The following KAZN variants were observed in gnomAD, a reference collection of about 807,000 sequenced individuals.
The protein encoded by KAZN is kazrin, periplakin interacting protein.
In KAZN, 40 loss-of-function variants were observed where a neutral mutation model predicts 87.4. That is an observed-to-expected ratio of 0.46 (90% CI 0.36 to 0.60). The LOEUF (loss-of-function observed/expected upper bound fraction) is 0.60. Ranked by LOEUF, KAZN falls within the 20% of genes least tolerant of loss-of-function variation. KAZN has a pLI of 0.00. For synonymous variants in KAZN, 466 were observed against 458.3 expected (o/e 1.02, Z -0.22); for missense variants, 898 against 1,073.9 (o/e 0.84, Z 2.29).
chr1:14,727,898 T>C (rs11809023), intron 1 of KAZN, among the ~76,000 whole-genome samples: 46,383 of 151,868 alleles, frequency 0.31, 7,212 homozygotes, highest in South Asian at 0.37. Flanking sequence ...TGATGGGAGA[T>C]AGCAACAGAT....
intron 2 of KAZN, among the ~76,000 whole-genome samples, chr1:14,570,604 G>T (rs554581779): frequency 3.9e-5 from 6 of 152,284 alleles, no homozygotes; most frequent in African/African-American, 1.4e-4. Flanking sequence ...GGTATTGCTA[G>T]ACCACATTTT....
At chr1:14,705,239 G>A (rs1186502117) in intron 1 of KAZN, among the ~76,000 whole-genome samples, 3 of 152,120 alleles carry the variant, frequency 2.0e-5, no homozygotes, top group Admixed American at 6.5e-5. Context: ...CAGTCAGATT[G>A]GATTACAGCC....
chr1:14,526,428 T>C (rs1030454695), intron 2 of KAZN, among the ~76,000 whole-genome samples: 1 of 152,332 alleles, frequency 6.6e-6, no homozygotes, highest in African/African-American at 2.4e-5. Flanking sequence ...GTTACAGCCA[T>C]GTGCCAAGTG....
chr1:14,612,058 C>T (rs1414176330), intron 1 of KAZN, among the ~76,000 whole-genome samples: 2 of 152,146 alleles, frequency 1.3e-5, no homozygotes, highest in African/African-American at 4.8e-5. Flanking sequence ...ATTAATCGTT[C>T]TCGTTTATTT....
intron 1 of KAZN, among the ~76,000 whole-genome samples, chr1:14,878,363 C>T (rs930745074): frequency 2.6e-5 from 4 of 152,026 alleles, no homozygotes; most frequent in Non-Finnish European, 4.4e-5. Flanking sequence ...CTGCCCTCTA[C>T]ACACTAGATA....
chr1:15,106,944 C>G (rs931265653), intron 13 of KAZN, among the ~76,000 whole-genome samples: 1 of 152,168 alleles, frequency 6.6e-6, no homozygotes. Flanking sequence ...CCAAAGGCAG[C>G]TGCCAGGGGA....
At position 14,397,559 on chromosome 1, in the gene KAZN, T is replaced by C. The variant is rs111578002; in HGVS notation, c.250-201424T>C. 1.7e-3 allele frequency among the ~76,000 whole-genome samples: 264 copies of C among 152,094 alleles called. 2 individuals are homozygous for C. Among genetic ancestry groups the C allele is most frequent in the African/African-American group, 5.9e-3 (246 of 41,500 alleles). ...ACATCATGCAACTCACTCTGACCAA[T>C]AGAATAAGGCAGAAGCGCTGGGGGC... is the stretch of plus-strand genomic sequence containing the variant. On this transcript the variant is annotated intron_variant, in intron 2 of 16. Coordinates refer to the KAZN transcript ENST00000636203.
intron 1 of KAZN, among the ~76,000 whole-genome samples, chr1:14,715,344 G>A (rs772280021): frequency 6.6e-6 from 1 of 152,186 alleles, no homozygotes; most frequent in Admixed American, 6.5e-5. Flanking sequence ...TGATGGGAGG[G>A]GCTGGGTCCT....
chr1:14,874,709 T>C (rs1473116522), intron 1 of KAZN, among the ~76,000 whole-genome samples: 1 of 152,220 alleles, frequency 6.6e-6, no homozygotes, highest in African/African-American at 2.4e-5. Flanking sequence ...CCAGAAATCC[T>C]GGTGTGACCT....
At chr1:14,793,910 G>T (rs145153498) in intron 1 of KAZN, among the ~76,000 whole-genome samples, 2 of 152,246 alleles carry the variant, frequency 1.3e-5, no homozygotes, top group Admixed American at 1.3e-4. Context: ...CCGTGCCCTC[G>T]CCTGTTAGGG....
chr1:14,972,139 G>A (rs1222467209), intron 2 of KAZN, among the ~76,000 whole-genome samples: 2 of 152,218 alleles, frequency 1.3e-5, no homozygotes, highest in Non-Finnish European at 2.9e-5. Flanking sequence ...CTCTCCAAAT[G>A]CCTTTCAGAA....
At chr1:14,410,246 G>A (rs1664198852) in intron 2 of KAZN, among the ~76,000 whole-genome samples, 1 of 152,164 alleles carries the variant, frequency 6.6e-6, no homozygotes. Flanking sequence ...AGGGACTACA[G>A]GCACATGCCA....
In KAZN at chr1:15,075,911, C is replaced by T. The variant is rs184837831; in HGVS notation, c.1222+10158C>T. ...TGCCAGGGTGTCTGGCCCCACCTGCCCTCCAGAGCACTTCATCACCCTTTG... is the reference window on the plus strand; with the variant it reads ...TGCCAGGGTGTCTGGCCCCACCTGCTCTCCAGAGCACTTCATCACCCTTTG... On this transcript the variant is annotated intron_variant, in intron 8 of 14. Transcript: ENST00000376030. Among the ~76,000 whole-genome samples the T allele has an allele frequency of 2.2e-3, 330 of 152,332 alleles. 1 individual carries two copies. Among genetic ancestry groups the T allele is most frequent in the Middle Eastern group, 0.014 (4 of 294 alleles).
chr1:14,018,082 C>T (rs1310218295), intron 1 of KAZN, among the ~76,000 whole-genome samples: 3 of 152,202 alleles, frequency 2.0e-5, no homozygotes, highest in Non-Finnish European at 4.4e-5. Context: ...ACCTGAGGCA[C>T]AGAGAGACTA....
chr1:14,038,864 C>A (rs61777716), intron 1 of KAZN, among the ~76,000 whole-genome samples: 6,778 of 152,226 alleles, frequency 0.045, 223 homozygotes, highest in Non-Finnish European at 0.066. Context: ...AGTTTCACCT[C>A]TGTAAAAGTA....
chr1:14,317,227 G>T (rs1220254596), intron 2 of KAZN, among the ~76,000 whole-genome samples: 1 of 151,774 alleles, frequency 6.6e-6, no homozygotes, highest in Non-Finnish European at 1.5e-5. Flanking sequence ...GTTATTTAGG[G>T]TTGTTATGGC....
chr1:14,064,733 G>A (rs1013597820), intron 1 of KAZN, among the ~76,000 whole-genome samples: 7 of 152,158 alleles, frequency 4.6e-5, no homozygotes, highest in African/African-American at 1.2e-4. Flanking sequence ...GGACAATGCT[G>A]GTGCTTTTGT....
At chr1:14,201,919 C>T (rs909171714) in intron 2 of KAZN, among the ~76,000 whole-genome samples, 5 of 152,308 alleles carry the variant, frequency 3.3e-5, no homozygotes, top group Middle Eastern at 6.8e-3. Flanking sequence ...CCGCCTGCCT[C>T]GGCCTCCCAA....
intron 2 of KAZN, among the ~76,000 whole-genome samples, chr1:14,547,486 C>A (rs1310444260): frequency 6.6e-6 from 1 of 152,120 alleles, no homozygotes; most frequent in Non-Finnish European, 1.5e-5. Context: ...TTTCAAAACT[C>A]CTTTAGACTG....
Sources: gnomAD v4.1 joint callset for allele counts (sites outside exome capture counted in the v4.1 genomes callset) on GRCh38, gnomAD v4.1.1 for gene constraint, MANE v1.5 for transcripts, NCBI Gene and HGNC (gene_info 2026-07-23, HGNC 2026-07-21) for gene names.